NEURL1B: variants seen among roughly 807,000 people sequenced by gnomAD.
NEURL1B encodes neuralized E3 ubiquitin protein ligase 1B.
NEURL1B carries 13 observed loss-of-function variants against 37.4 expected under a neutral mutation model. That is an observed-to-expected ratio of 0.35 (90% CI 0.23 to 0.55). The LOEUF is 0.55. NEURL1B is among the 20% of genes least tolerant of loss of function. The pLI, the probability that NEURL1B is intolerant of heterozygous loss-of-function variation, is 0.89. For missense variants in NEURL1B, 790 were observed against 879.2 expected, an observed-to-expected ratio of 0.90 and a Z score of 1.28; for synonymous variants, 432 against 426.6, an observed-to-expected ratio of 1.01 and a Z score of -0.16.
At chr5:172,666,766 C>T (rs1163554695) in intron 1 of NEURL1B, among the ~76,000 whole-genome samples, 2 of 152,164 alleles carry the variant, frequency 1.3e-5, no homozygotes, top group African/African-American at 2.4e-5. Flanking sequence ...AGCCACCCCT[C>T]GTGGGCCTTA....
chr5:172,651,716 G>A (rs1757669215), intron 1 of NEURL1B, among the ~76,000 whole-genome samples: 1 of 152,218 alleles, frequency 6.6e-6, no homozygotes, highest in Non-Finnish European at 1.5e-5. Flanking sequence ...TGTAATAGAT[G>A]TAGTTTATCC....
intron 3 of NEURL1B, among the ~76,000 whole-genome samples, chr5:172,685,684 A>G (rs919809562): frequency 2.0e-5 from 3 of 152,206 alleles, no homozygotes; most frequent in Admixed American, 1.3e-4. Flanking sequence ...TCCAACTCAA[A>G]GCTCTGCTTG....
intron 1 of NEURL1B, among the ~76,000 whole-genome samples, chr5:172,669,030 A>T (rs1758069174): frequency 6.6e-6 from 1 of 152,116 alleles, no homozygotes; most frequent in Admixed American, 6.5e-5. Context: ...CCTGGCTTGG[A>T]TGTGCTTTGG....
chr5:172,648,335 ATCT>A (rs564822738), intron 1 of NEURL1B, among the ~76,000 whole-genome samples: 118 of 152,292 alleles, frequency 7.7e-4, no homozygotes, highest in Admixed American at 2.0e-3. Context: ...CTCCACACTG[ATCT>A]TAGGATTGGG....
In NEURL1B at chr5:172,661,541, T is replaced by C. The variant is rs1405617591; in HGVS notation, c.32-8244T>C. 1.3e-5 allele frequency among the ~76,000 whole-genome samples: 2 copies of C among 152,206 alleles called. No individual in the cohort carries two copies. The highest frequency in any genetic ancestry group is 3.8e-4 in the East Asian group (2 of 5,202). ...TGGTAAAACCCACTCTGCAGAGTTT[T>C]CCTGAAGATTAAACCCAATAAACCA... On this transcript the variant is annotated intron_variant, in intron 1 of 4. Coordinates refer to ENST00000369800, the MANE Select transcript of NEURL1B (RefSeq NM_001142651.3). The surrounding 1 kb of genome is among the most constrained non-coding windows in gnomAD (Gnocchi z 4.0).
At chr5:172,660,532 C>T (rs1039236410) in intron 1 of NEURL1B, among the ~76,000 whole-genome samples, 1 of 152,242 alleles carries the variant, frequency 6.6e-6, no homozygotes, top group Non-Finnish European at 1.5e-5. Context: ...TGCTGGCCAA[C>T]CAGGCCTCTG....
In NEURL1B at chr5:172,675,062, G is replaced by A. The variant is rs932164860; in HGVS notation, c.577+4732G>A. On this transcript the variant is annotated intron_variant, in intron 2 of 4. Coordinates refer to ENST00000369800, the MANE Select transcript of NEURL1B (RefSeq NM_001142651.3). The surrounding 1 kb of genome is among the most constrained non-coding windows in gnomAD (Gnocchi z 4.7). Reference sequence around the variant, plus strand: ...TTTTTGTATTTTTAGTAAAGATGGGGTTTCTACTGGGTACCTGTTGGTCAG... The same window carrying A: ...TTTTTGTATTTTTAGTAAAGATGGGATTTCTACTGGGTACCTGTTGGTCAG... 1.8e-4 allele frequency among the ~76,000 whole-genome samples: 28 copies of A among 152,214 alleles called. No homozygotes were observed. The highest frequency in any genetic ancestry group is 1.4e-3 in the Admixed American group (22 of 15,290).
chr5:172,683,363 C>A lies in NEURL1B; in HGVS notation c.578-56C>A. ...GAGGCAGCGGGCGAGGAGGGGCTCGCGACCAGCCTGACGCGCGGCCTCTCC... is the reference window on the plus strand; with the variant it reads ...GAGGCAGCGGGCGAGGAGGGGCTCGAGACCAGCCTGACGCGCGGCCTCTCC... On this transcript the variant is annotated intron_variant, in intron 2 of 4. Transcript: ENST00000369800. The surrounding 1 kb of genome is among the most constrained non-coding windows in gnomAD (Gnocchi z 5.6). 1 of 1,269,038 alleles carries A rather than the reference C, an allele frequency of 7.9e-7. No individual in the cohort carries two copies. Among genetic ancestry groups the A allele is most frequent in the Non-Finnish European group, 1.0e-6 (1 of 1,004,250 alleles). The allele number at this position is 1,269,038 out of a possible 1,614,324, so 78.6% of individuals were successfully genotyped here. A position where few individuals can be genotyped will look rare whatever the true frequency, so the allele number is the denominator to read the frequency against.
In NEURL1B at chr5:172,675,602, T is replaced by G. The variant is rs551458581; in HGVS notation, c.577+5272T>G. Among the ~76,000 whole-genome samples the G allele has an allele frequency of 1.4e-5, 2 of 142,320 alleles. No homozygotes were observed. Among genetic ancestry groups the G allele is most frequent in the East Asian group, 4.4e-4 (2 of 4,590 alleles). The allele number at this position is 142,320 out of a possible 152,430, so 93.4% of individuals were successfully genotyped here. A position where few individuals can be genotyped will look rare whatever the true frequency, so the allele number is the denominator to read the frequency against. On this transcript the variant is annotated intron_variant, in intron 2 of 4. Coordinates refer to ENST00000369800, the MANE Select transcript of NEURL1B (RefSeq NM_001142651.3). The surrounding 1 kb of genome is among the most constrained non-coding windows in gnomAD (Gnocchi z 4.7). Reference sequence around the variant, plus strand: ...GTTCCTGGAGCCAGGAGAGGAAGCTTCTGCCAGGCCATGCGCTCCCTTCCC... The same window carrying G: ...GTTCCTGGAGCCAGGAGAGGAAGCTGCTGCCAGGCCATGCGCTCCCTTCCC...
At chr5:172,649,832 C>T (rs553671524) in intron 1 of NEURL1B, among the ~76,000 whole-genome samples, 4 of 152,330 alleles carry the variant, frequency 2.6e-5, no homozygotes, top group South Asian at 2.1e-4. Flanking sequence ...CAGATAGCGG[C>T]AGGTGTTTCT....
intron 2 of NEURL1B, among the ~76,000 whole-genome samples, chr5:172,671,982 G>A (rs186342080): frequency 6.6e-5 from 10 of 152,350 alleles, no homozygotes; most frequent in Admixed American, 4.6e-4. Flanking sequence ...AACTTTCTGT[G>A]CCTCAGATTT....
chr5:172,668,637 G>A (rs1758060144), intron 1 of NEURL1B, among the ~76,000 whole-genome samples: 1 of 152,188 alleles, frequency 6.6e-6, no homozygotes, highest in Non-Finnish European at 1.5e-5. Flanking sequence ...TCCTGGGGTC[G>A]CCATTCTTCT....
At chr5:172,648,125 T>C (rs1470190833) in intron 1 of NEURL1B, among the ~76,000 whole-genome samples, 2 of 151,986 alleles carry the variant, frequency 1.3e-5, no homozygotes, top group Non-Finnish European at 2.9e-5. Flanking sequence ...CAGGCTGGAG[T>C]CCTTCCTTCT....
At position 172,657,065 on chromosome 5, in the gene NEURL1B, T is replaced by A. The variant is rs902302526; in HGVS notation, c.32-12720T>A. ...GAGTCAGTCCCTCACGTCCCCATGATGGATGACTGGTTGGCTAGGGAAGCA... is the reference window on the plus strand; with the variant it reads ...GAGTCAGTCCCTCACGTCCCCATGAAGGATGACTGGTTGGCTAGGGAAGCA... On this transcript the variant is annotated intron_variant, in intron 1 of 4. Transcript: ENST00000369800. This position sits in a 1 kb window ranked among gnomAD's most constrained non-coding sequence, Gnocchi z 4.0. Among the ~76,000 whole-genome samples, 1 of 152,236 alleles carries A rather than the reference T, an allele frequency of 6.6e-6. No individual in the cohort carries two copies. The highest frequency in any genetic ancestry group is 1.5e-5 in the Non-Finnish European group (1 of 68,044).
At position 172,676,189 on chromosome 5, in the gene NEURL1B, T is replaced by C. The variant is rs1758230570; in HGVS notation, c.577+5859T>C. 6.6e-6 allele frequency among the ~76,000 whole-genome samples: 1 copy of C among 151,516 alleles called. No individual in the cohort carries two copies. The highest frequency in any genetic ancestry group is 2.4e-5 in the African/African-American group (1 of 41,266). ...AAAAAGAGGAAGCATTAATGTCTCATGTGGCTGAAAATTCCTGGGAATGGT... is the reference window on the plus strand; with the variant it reads ...AAAAAGAGGAAGCATTAATGTCTCACGTGGCTGAAAATTCCTGGGAATGGT... On this transcript the variant is annotated intron_variant, in intron 2 of 4. Transcript: ENST00000369800. This position sits in a 1 kb window ranked among gnomAD's most constrained non-coding sequence, Gnocchi z 4.5.
rs1036457719 is a variant in NEURL1B, at chr5:172,689,232, A to G, written c.*2307A>G. ...GACGTTTCCTGATGCTCTGAGCGTT[A>G]CTCAGTGCTACAGAGGAGATGCACA... On this transcript the variant is annotated 3_prime_UTR_variant, in exon 5 of 5. Transcript: ENST00000369800. 2.6e-5 allele frequency: 4 copies of G among 152,200 alleles called. No individual in the cohort carries two copies. The highest frequency in any genetic ancestry group is 9.7e-5 in the African/African-American group (4 of 41,444). 9.4% of individuals were successfully genotyped at this position (152,200 alleles called of 1,614,324 possible).
chr5:172,646,731 C>T (rs1197798502), intron 1 of NEURL1B, among the ~76,000 whole-genome samples: 1 of 152,134 alleles, frequency 6.6e-6, no homozygotes, highest in African/African-American at 2.4e-5. Flanking sequence ...CCAGAAGATG[C>T]AGGGGAGGCT....
At chr5:172,663,671 C>G (rs1004813385) in intron 1 of NEURL1B, among the ~76,000 whole-genome samples, 6 of 151,858 alleles carry the variant, frequency 4.0e-5, no homozygotes, top group Admixed American at 3.3e-4. Context: ...AGTCCCTGGC[C>G]TCAATTCTTG....
rs1358299230 is a variant in NEURL1B at position 172,641,993 on chromosome 5, C to T, written c.31+556C>T. 6.6e-6 allele frequency among the ~76,000 whole-genome samples: 1 copy of T among 152,178 alleles called. No homozygotes were observed. Among genetic ancestry groups the T allele is most frequent in the Non-Finnish European group, 1.5e-5 (1 of 68,026 alleles). On this transcript the variant is annotated intron_variant, in intron 1 of 4. Coordinates refer to ENST00000369800, the MANE Select transcript of NEURL1B (RefSeq NM_001142651.3). This position sits in a 1 kb window ranked among gnomAD's most constrained non-coding sequence, Gnocchi z 6.4. ...CTGGTGTCCGCTCCACTGGGGACTC[C>T]TTCGCCCCCTCGGAGTCGCTGCTGC...
Sources: gnomAD v4.1 joint callset for allele counts (sites outside exome capture counted in the v4.1 genomes callset) on GRCh38, gnomAD v4.1.1 for gene constraint, Gnocchi (gnomAD v3.1) non-coding constraint, MANE v1.5 for transcripts, NCBI Gene and HGNC (gene_info 2026-07-23, HGNC 2026-07-21) for gene names.